The following CTNNB1 variants were observed in gnomAD, a reference collection of about 807,000 sequenced individuals.
CTNNB1 encodes the protein catenin beta 1.
A neutral mutation model predicts 82.5 loss-of-function variants in CTNNB1; 6 were observed. That is an observed-to-expected ratio of 0.07 (90% CI 0.04 to 0.14). The LOEUF (loss-of-function observed/expected upper bound fraction) is 0.14, where lower values mean the gene tolerates loss of function less well. Ranked by LOEUF, CTNNB1 falls within the 10% of genes least tolerant of loss-of-function variation. The probability of loss-of-function intolerance (pLI) is 1.00; values close to 1 mark genes in which losing one functional copy is unlikely to be tolerated. For missense variants in CTNNB1, 529 were observed against 980.4 expected, an observed-to-expected ratio of 0.54 and a Z score of 6.15; for synonymous variants, 312 against 329.7, an observed-to-expected ratio of 0.95 and a Z score of 0.58.
intron 1 of CTNNB1, among the ~76,000 whole-genome samples, chr3:41,218,644 C>T (rs892506779): frequency 6.6e-6 from 1 of 152,222 alleles, no homozygotes; most frequent in African/African-American, 2.4e-5. Context: ...TCAGATGATT[C>T]TCCCACCTCA....
chr3:41,212,716 A>C (rs1401117328), intron 1 of CTNNB1, among the ~76,000 whole-genome samples: 1 of 152,222 alleles, frequency 6.6e-6, no homozygotes, highest in African/African-American at 2.4e-5. Flanking sequence ...TGGAGAGTAC[A>C]GTTTTAGAAA....
intron 14 of CTNNB1, 38 bp from the exon 15 acceptor site, chr3:41,239,096 C>G (rs1034291411): frequency 1.3e-5 from 20 of 1,552,826 alleles, no homozygotes; most frequent in Non-Finnish European, 1.7e-5. Flanking sequence ...CTTTTGCCTT[C>G]CTTCTTGCCT....
At chr3:41,204,183 T>C (rs1344181643) in intron 1 of CTNNB1, among the ~76,000 whole-genome samples, 1 of 152,128 alleles carries the variant, frequency 6.6e-6, no homozygotes, top group Non-Finnish European at 1.5e-5. Flanking sequence ...TCAAGGACCA[T>C]ACTTGTAAAT....
intron 1 of CTNNB1, chr3:41,220,762 A>G (rs1374771547): frequency 6.6e-6 from 1 of 152,226 alleles, no homozygotes; most frequent in Non-Finnish European, 1.5e-5. Flanking sequence ...TTGCTAGTAT[A>G]AAACTGTGGT....
intron 11 of CTNNB1, 146 bp from the exon 12 acceptor site, chr3:41,236,203 C>T: frequency 1.9e-6 from 2 of 1,026,454 alleles, no homozygotes; most frequent in South Asian, 2.6e-5. Context: ...GCATTAAACA[C>T]CCCAAGACAT....
In CTNNB1 at chr3:41,215,393, A is replaced by AC. The variant is rs2077892295; in HGVS notation, c.-48-8628_-48-8627insC. ...GTGAAACACCATCTCAAAAAAAAAA[A>AC]AAAAAAAAAAACACTCTTAGGTTAT... On this transcript the variant is annotated intron_variant, in intron 1 of 14. Coordinates refer to ENST00000349496, the MANE Select transcript of CTNNB1 (RefSeq NM_001904.4). 2.7e-5 allele frequency among the ~76,000 whole-genome samples: 4 copies of AC among 150,180 alleles called. No homozygotes were observed. In the South Asian group the frequency reaches 8.5e-4, roughly 32 times the overall value.
intron 1 of CTNNB1, chr3:41,221,880 C>A (rs2078057331): frequency 6.6e-6 from 1 of 152,086 alleles, no homozygotes; most frequent in South Asian, 2.1e-4. Context: ...GTGATTTCTT[C>A]TGTTGTATTT....
In CTNNB1 at chr3:41,236,875, A is replaced by G. The variant is rs955954038; in HGVS notation, c.2076+166A>G. 9 of 803,362 alleles carry G rather than the reference A, an allele frequency of 1.1e-5. No homozygotes were observed. In the Admixed American group the frequency reaches 1.9e-4, roughly 17 times the overall value. The allele number at this position is 803,362 out of a possible 1,614,324, so 49.8% of individuals were successfully genotyped here. On this transcript the variant is annotated intron_variant, in intron 13 of 14. Transcript: ENST00000349496. ...AGCAACTGCTCTGAGGAAGAACTAT[A>G]ATACAAGCTTTAAAGAGTCTGTTCA... is the stretch of plus-strand genomic sequence containing the variant.
rs2125639706 is a variant in CTNNB1, at chr3:41,233,692, C to T, written c.1349C>T (p.Thr450Ile). ...QVGGIEALVR[T>I]VLRAGDREDI... is the part of the protein sequence containing the mutation. Reference sequence around the variant, plus strand: ...GGTGGTATAGAGGCTCTTGTGCGTACTGTCCTTCGGGCTGGTGACAGGGAA... The same window carrying T: ...GGTGGTATAGAGGCTCTTGTGCGTATTGTCCTTCGGGCTGGTGACAGGGAA... The change falls in exon 9 of 15, where the codon ACT (threonine) becomes ATT (isoleucine). Residue 450 changes from threonine (T) to isoleucine (I), a missense_variant. Thr to Ile is a moderately conservative substitution (Grantham distance 89). This residue lies in a region of CTNNB1 where 411 missense variants were observed against 776.4 expected (regional missense o/e 0.53). Transcript: ENST00000349496. 6.2e-7 allele frequency: 1 copy of T among 1,614,088 alleles called. No homozygotes were observed. The highest frequency in any genetic ancestry group is 8.5e-7 in the Non-Finnish European group (1 of 1,180,012).
At chr3:41,211,769 A>T (rs908934427) in intron 1 of CTNNB1, among the ~76,000 whole-genome samples, 2 of 152,148 alleles carry the variant, frequency 1.3e-5, no homozygotes, top group African/African-American at 4.8e-5. Context: ...GATCCAGTCT[A>T]CCGTTCATGG....
rs11564435 is a variant in CTNNB1 at position 41,199,663 on chromosome 3, C to G, written c.-56C>G. On this transcript the variant is annotated 5_prime_UTR_variant, in exon 1 of 15. Coordinates refer to ENST00000349496, the MANE Select transcript of CTNNB1 (RefSeq NM_001904.4). ...ACTCCCGCGGCGGGAGGAGCCTGTTCCCCTGAGGTGCTTGGGCGCTCCTTT... is the reference window on the plus strand; with the variant it reads ...ACTCCCGCGGCGGGAGGAGCCTGTTGCCCTGAGGTGCTTGGGCGCTCCTTT... 1,369 of 152,314 alleles carry G rather than the reference C, an allele frequency of 9.0e-3. 9 individuals carry two copies. Among genetic ancestry groups the G allele is most frequent in the Non-Finnish European group, 0.016 (1,060 of 68,184 alleles). 9.4% of individuals were successfully genotyped at this position (152,314 alleles called of 1,614,324 possible).
intron 1 of CTNNB1, among the ~76,000 whole-genome samples, chr3:41,213,576 A>C (rs146862776): frequency 6.6e-6 from 1 of 152,232 alleles, no homozygotes; most frequent in Non-Finnish European, 1.5e-5. Flanking sequence ...TTGTTGAATG[A>C]AAGTCTGTAC....
At chr3:41,223,968 G>A in intron 1 of CTNNB1, 53 bp from the exon 2 acceptor site, 1 of 1,259,458 alleles carries the variant, frequency 7.9e-7, no homozygotes, top group Non-Finnish European at 1.2e-6. Context: ...TGACTTAGGA[G>A]TATTAATCAA....
At chr3:41,203,607 A>G (rs573792285) in intron 1 of CTNNB1, among the ~76,000 whole-genome samples, 2 of 152,318 alleles carry the variant, frequency 1.3e-5, no homozygotes, top group East Asian at 3.9e-4. Context: ...CAACTTGATT[A>G]TATTAGGAAA....
At chr3:41,236,171 T>G (rs2078430610) in intron 11 of CTNNB1, 178 bp from the exon 12 acceptor site, 1 of 848,676 alleles carries the variant, frequency 1.2e-6, no homozygotes, top group East Asian at 2.4e-5. Flanking sequence ...TAAAAAATAT[T>G]ATGGAAATCC....
intron 7 of CTNNB1, among the ~76,000 whole-genome samples, chr3:41,231,759 A>G (rs578110002): frequency 6.6e-6 from 1 of 152,332 alleles, no homozygotes; most frequent in South Asian, 2.1e-4. Context: ...CAGACTACTG[A>G]GATGTTACAG....
Position 41,233,201 on chromosome 3 carries a change from A to G in CTNNB1, c.1082-140A>G, listed in dbSNP as rs1008634321. ...AAACTGAGCAACATTCTAGAAAATGAGAGGAAATCAAATACTTAGGTGAAA... is the reference window on the plus strand; with the variant it reads ...AAACTGAGCAACATTCTAGAAAATGGGAGGAAATCAAATACTTAGGTGAAA... On this transcript the variant is annotated intron_variant, in intron 7 of 14. Transcript: ENST00000349496. 6.6e-6 allele frequency: 5 copies of G among 756,258 alleles called. No individual in the cohort carries two copies. The African/African-American group carries it at 7.0e-5, about 11-fold the overall frequency. 46.8% of individuals were successfully genotyped at this position (756,258 alleles called of 1,614,324 possible).
chr3:41,237,697 CTTTTTTT>C (rs548643863), intron 13 of CTNNB1: 23 of 139,998 alleles, frequency 1.6e-4, no homozygotes, highest in East Asian at 1.2e-3. Flanking sequence ...GGCATTTTGC[CTTTTTTT>C]TTTTTTTTTT....
chr3:41,226,623 C>CATAGGGCTTTGT (rs1470786406), intron 6 of CTNNB1, among the ~76,000 whole-genome samples: 1 of 152,106 alleles, frequency 6.6e-6, no homozygotes, highest in East Asian at 1.9e-4. Flanking sequence ...TAGCAGATCT[C>CATAGGGCTTTGT]ATAGGGCTTT....
Sources: gnomAD v4.1 joint callset for allele counts (sites outside exome capture counted in the v4.1 genomes callset) on GRCh38, gnomAD v4.1.1 for gene constraint, gnomAD v4.1.1 regional missense constraint, MANE v1.5 for transcripts, NCBI Gene and HGNC (gene_info 2026-07-23, HGNC 2026-07-21) for gene names.